ZNF215: variants seen among roughly 807,000 people sequenced by gnomAD.
The protein encoded by ZNF215 is BWSCR2-associated zinc finger protein 2.
ZNF215 carries 24 observed loss-of-function variants against 27.2 expected under a neutral mutation model. The ratio of observed to expected loss-of-function variants is 0.88; its 90% CI spans 0.64 to 1.24. ZNF215 has a LOEUF of 1.24. Among genes scored for constraint, ZNF215 ranks in the 50% most tolerant of loss-of-function variants. ZNF215 has a pLI of 0.00. For synonymous variants in ZNF215, 210 were observed against 204.0 expected (o/e 1.03, Z -0.25); for missense variants, 675 against 605.7 (o/e 1.11, Z -1.20).
At chr11:6,928,936 G>A (rs1168031403) in intron 2 of ZNF215, among the ~76,000 whole-genome samples, 2 of 152,062 alleles carry the variant, frequency 1.3e-5, no homozygotes, top group Non-Finnish European at 2.9e-5. Flanking sequence ...CTGTTGTATT[G>A]ACGGTGGGCC....
rs1225740320 is a variant in ZNF215 at position 6,957,992 on chromosome 11, A to G, written c.*1461A>G. On this transcript the variant is annotated 3_prime_UTR_variant, in exon 7 of 7. Transcript: ENST00000278319. Reference sequence around the variant, plus strand: ...TTTGTGAAGGTTCATACCTTATTCAAAGGCAGAAAAGGTATACTGGAGTGA... The same window carrying G: ...TTTGTGAAGGTTCATACCTTATTCAGAGGCAGAAAAGGTATACTGGAGTGA... 1.0e-6 allele frequency: 1 copy of G among 985,398 alleles called. No homozygotes were observed. The highest frequency in any genetic ancestry group is 1.2e-6 in the Non-Finnish European group (1 of 829,920). The allele number at this position is 985,398 out of a possible 1,614,324, so 61.0% of individuals were successfully genotyped here. A position where few individuals can be genotyped will look rare whatever the true frequency, so the allele number is the denominator to read the frequency against.
At chr11:6,993,066 A>G (rs1851135360), downstream of ZNF215, among the ~76,000 whole-genome samples, 1 of 152,196 alleles carries the variant, frequency 6.6e-6, no homozygotes, top group African/African-American at 2.4e-5. Context: ...GCCACAGAAA[A>G]CTTTTTAAAA....
At chr11:6,981,106 G>A (rs1435447893) in intron 5 of ZNF215, among the ~76,000 whole-genome samples, 3 of 151,050 alleles carry the variant, frequency 2.0e-5, no homozygotes, top group Non-Finnish European at 3.0e-5. Flanking sequence ...ATGATTTATA[G>A]TCCTTTGGGT....
At chr11:6,929,671 TC>T (rs1020449998) in intron 2 of ZNF215, among the ~76,000 whole-genome samples, 6 of 152,190 alleles carry the variant, frequency 3.9e-5, no homozygotes, top group Non-Finnish European at 7.3e-5. Flanking sequence ...TCACATTGTC[TC>T]GAGGCTACAT....
At chr11:6,952,177 G>T (rs1850098217) in intron 6 of ZNF215, among the ~76,000 whole-genome samples, 1 of 152,150 alleles carries the variant, frequency 6.6e-6, no homozygotes, top group Non-Finnish European at 1.5e-5. Flanking sequence ...TTTGGAATAG[G>T]TGTGGTGTGG....
Position 6,956,630 on chromosome 11 carries a change from A to G in ZNF215, c.*99A>G. On this transcript the variant is annotated 3_prime_UTR_variant, in exon 7 of 7. Coordinates refer to ENST00000278319, the MANE Select transcript of ZNF215 (RefSeq NM_013250.4). ...AAATCTCATGAATATAATGTAAGAA[A>G]ACATTTGTCAGATTTTTCTTTAAAT... 1 of 1,426,124 alleles carries G rather than the reference A, an allele frequency of 7.0e-7. No individual in the cohort carries two copies. The highest frequency in any genetic ancestry group is 1.7e-5 in the South Asian group (1 of 59,888). The allele number at this position is 1,426,124 out of a possible 1,614,324, so 88.3% of individuals were successfully genotyped here. A position where few individuals can be genotyped will look rare whatever the true frequency, so the allele number is the denominator to read the frequency against.
rs946332808 is a variant in ZNF215 at position 6,956,429 on chromosome 11, C to T, written c.1452C>T (p.His484=). 1.5e-5 allele frequency: 24 copies of T among 1,614,038 alleles called. No individual in the cohort carries two copies. Among genetic ancestry groups the T allele is most frequent in the Non-Finnish European group, 1.9e-5 (23 of 1,180,028 alleles). Reference sequence around the variant, plus strand: ...CTCTTATTCGACACCAAATGATTCACACGGGAGAGAAACCATTCAAATGTA... The same window carrying T: ...CTCTTATTCGACACCAAATGATTCATACGGGAGAGAAACCATTCAAATGTA... ...SSSLIRHQMI[H]TGEKPFKCKE... The change falls in exon 7 of 7, where the codon CAC becomes CAT. Residue 484 remains histidine, a synonymous_variant. Coordinates refer to ENST00000278319, the MANE Select transcript of ZNF215 (RefSeq NM_013250.4).
chr11:6,990,779 C>A (rs1851106788), downstream of ZNF215, among the ~76,000 whole-genome samples: 2 of 101,402 alleles, frequency 2.0e-5, 1 homozygote, highest in South Asian at 6.6e-4. Context: ...CGCACACACA[C>A]AAAGGGGACT....
intron 5 of ZNF215, among the ~76,000 whole-genome samples, chr11:6,965,667 A>G (rs1473006881): frequency 1.3e-5 from 2 of 152,160 alleles, no homozygotes; most frequent in African/African-American, 2.4e-5. Context: ...CATTTTTAGT[A>G]CATTATAAAT....
intron 5 of ZNF215, among the ~76,000 whole-genome samples, chr11:6,977,681 C>G (rs1850859549): frequency 6.6e-6 from 1 of 151,858 alleles, no homozygotes; most frequent in South Asian, 2.1e-4. Flanking sequence ...AAAACCAAAC[C>G]TGCTGACACC....
At chr11:6,974,829 C>A (rs1850796845) in intron 5 of ZNF215, among the ~76,000 whole-genome samples, 1 of 152,098 alleles carries the variant, frequency 6.6e-6, no homozygotes, top group Non-Finnish European at 1.5e-5. Flanking sequence ...ACAATCATGT[C>A]ATCTGCAAAC....
At chr11:6,928,035 CTT>C (rs892404093) in intron 2 of ZNF215, among the ~76,000 whole-genome samples, 6 of 151,128 alleles carry the variant, frequency 4.0e-5, no homozygotes, top group African/African-American at 1.5e-4. Flanking sequence ...TCTCTTTTAT[CTT>C]TTTTTTTAGA....
chr11:6,984,769 A>G (rs563181140), downstream of ZNF215: 3 of 152,178 alleles, frequency 2.0e-5, no homozygotes, highest in Non-Finnish European at 2.9e-5. Context: ...TACATAAACT[A>G]ACTTTTTAGA....
chr11:6,956,603 T>TA lies in ZNF215; in HGVS notation c.*76dup. On this transcript the variant is annotated 3_prime_UTR_variant, in exon 7 of 7. Transcript: ENST00000278319. ...TTTAACATCATGAATTTATGCTGGATAAAATCTCATGAATATAATGTAAGA... is the reference window on the plus strand; with the variant it reads ...TTTAACATCATGAATTTATGCTGGATAAAAATCTCATGAATATAATGTAAGA... 6.8e-7 allele frequency: 1 copy of TA among 1,472,842 alleles called. No individual in the cohort carries two copies. Among genetic ancestry groups the TA allele is most frequent in the South Asian group, 1.5e-5 (1 of 66,030 alleles). 91.2% of individuals were successfully genotyped at this position (1,472,842 alleles called of 1,614,324 possible).
intron 5 of ZNF215, among the ~76,000 whole-genome samples, chr11:6,977,454 G>A (rs916978868): frequency 2.0e-5 from 3 of 151,964 alleles, no homozygotes; most frequent in Non-Finnish European, 4.4e-5. Context: ...ATCCACTGGG[G>A]GTGTTGGAAT....
chr11:6,939,732 C>CAG (rs1484425157), intron 3 of ZNF215, among the ~76,000 whole-genome samples: 1 of 152,010 alleles, frequency 6.6e-6, no homozygotes, highest in Non-Finnish European at 1.5e-5. Flanking sequence ...AAGGGGAGGT[C>CAG]AGCAGGGAAG....
Position 6,932,340 on chromosome 11 carries a change from A to C in ZNF215, c.68A>C (p.Glu23Ala), listed in dbSNP as rs752422288. The change falls in exon 3 of 7, where the codon GAG (glutamate) becomes GCG (alanine). Residue 23 changes from glutamate (E) to alanine (A), a missense_variant. Glu to Ala is a moderately radical substitution (Grantham distance 107, BLOSUM62 -1). Coordinates refer to ENST00000278319, the MANE Select transcript of ZNF215 (RefSeq NM_013250.4). Reference protein sequence around the residue: ...PRNLSLREQREVLRADMSWQQ... With the variant: ...PRNLSLREQRAVLRADMSWQQ... Reference sequence around the variant, plus strand: ...AACCTGTCTCTACGTGAACAAAGAGAGGTTCTGAGAGCAGATATGTCTTGG... The same window carrying C: ...AACCTGTCTCTACGTGAACAAAGAGCGGTTCTGAGAGCAGATATGTCTTGG... 6.2e-7 allele frequency: 1 copy of C among 1,614,166 alleles called. No homozygotes were observed. Among genetic ancestry groups the C allele is most frequent in the Non-Finnish European group, 8.5e-7 (1 of 1,180,026 alleles).
chr11:6,959,637 T>C (rs1007242405), downstream of ZNF215, among the ~76,000 whole-genome samples: 1 of 152,170 alleles, frequency 6.6e-6, no homozygotes, highest in Admixed American at 6.5e-5. Flanking sequence ...GAAAGCTGTG[T>C]CTGGAATGAG....
Position 6,956,744 on chromosome 11 carries a change from G to C in ZNF215, c.*213G>C. The C allele has an allele frequency of 7.4e-7, 1 of 1,349,560 alleles. No homozygotes were observed. Among genetic ancestry groups the C allele is most frequent in the Non-Finnish European group, 9.5e-7 (1 of 1,056,884 alleles). The allele number at this position is 1,349,560 out of a possible 1,614,324, so 83.6% of individuals were successfully genotyped here. A position where few individuals can be genotyped will look rare whatever the true frequency, so the allele number is the denominator to read the frequency against. ...CCTGGTTTTCAGATGAAGCCATAAG[G>C]CTTTGGAGTTAAACCACAGTATCAC... is the stretch of plus-strand genomic sequence containing the variant. On this transcript the variant is annotated 3_prime_UTR_variant, in exon 7 of 7. Coordinates refer to ENST00000278319, the MANE Select transcript of ZNF215 (RefSeq NM_013250.4).
Sources: allele counts gnomAD v4.1 joint callset (sites outside exome capture counted in the v4.1 genomes callset), GRCh38; gene constraint gnomAD v4.1.1; transcripts MANE v1.5; gene names NCBI Gene and HGNC (gene_info 2026-07-23, HGNC 2026-07-21).